The following PRTG variants were observed in gnomAD, a reference collection of about 807,000 sequenced individuals.
PRTG encodes immunoglobulin superfamily, DCC subclass, member 5.
A neutral mutation model predicts 122.5 loss-of-function variants in PRTG; 67 were observed. The observed-to-expected ratio is 0.55, with a 90% confidence interval of 0.45 to 0.67. PRTG has a LOEUF of 0.67. Ranked by LOEUF, PRTG falls within the 30% of genes least tolerant of loss-of-function variation. The pLI is 0.00. For missense variants in PRTG, 1,435 were observed against 1,415.4 expected (o/e 1.01, Z -0.22); for synonymous variants, 554 against 501.1 (o/e 1.11, Z -1.41).
intron 2 of PRTG, among the ~76,000 whole-genome samples, chr15:55,735,155 AT>A (rs1412975694): frequency 6.6e-6 from 1 of 152,114 alleles, no homozygotes; most frequent in Non-Finnish European, 1.5e-5. Flanking sequence ...ATTTGGGAGG[AT>A]TTTTATGATT....
intron 2 of PRTG, among the ~76,000 whole-genome samples, chr15:55,691,315 A>AAG (rs1555434025): frequency 3.5e-5 from 5 of 144,278 alleles, no homozygotes; most frequent in African/African-American, 1.3e-4. Context: ...AAAAAAAAAA[A>AAG]GTACAGGTTC....
At chr15:55,737,918 G>C (rs2031463182) in intron 2 of PRTG, among the ~76,000 whole-genome samples, 1 of 149,904 alleles carries the variant, frequency 6.7e-6, no homozygotes, top group Non-Finnish European at 1.5e-5. Flanking sequence ...ATACCTAAAA[G>C]AGAACTAGCT....
chr15:55,641,989 A>G (rs1657955), intron 11 of PRTG, among the ~76,000 whole-genome samples: 4,123 of 151,146 alleles, frequency 0.027, 184 homozygotes, highest in African/African-American at 0.096. Context: ...CCTGGCTAAC[A>G]AGGTGAAACC....
At chr15:55,725,219 G>C (rs1175484034) in intron 2 of PRTG, among the ~76,000 whole-genome samples, 1 of 152,128 alleles carries the variant, frequency 6.6e-6, no homozygotes, top group Admixed American at 6.5e-5. Context: ...ATTCAAACTA[G>C]ATTGTTACAA....
At position 55,619,844 on chromosome 15, in the gene PRTG, T is replaced by C. The variant is rs536142420; in HGVS notation, c.*168A>G. The C allele has an allele frequency of 5.3e-6, 6 of 1,122,594 alleles. No individual in the cohort carries two copies. The highest frequency in any genetic ancestry group is 4.9e-5 in the South Asian group (3 of 60,684). 69.5% of individuals were successfully genotyped at this position (1,122,594 alleles called of 1,614,324 possible). On this transcript the variant is annotated 3_prime_UTR_variant, in exon 20 of 20. Transcript: ENST00000389286. ...CTTCGAACAGATTTAATGGTGAGAA[T>C]ACCTGAGCATGGCCGTCTAGATTGG...
chr15:55,641,711 G>A (rs1266298917), intron 11 of PRTG, among the ~76,000 whole-genome samples: 2 of 152,136 alleles, frequency 1.3e-5, no homozygotes, highest in South Asian at 2.1e-4. Context: ...ATATAACCAT[G>A]TTTTGTTTAA....
At chr15:55,652,924 T>C (rs899755147) in intron 11 of PRTG, among the ~76,000 whole-genome samples, 5 of 152,120 alleles carry the variant, frequency 3.3e-5, no homozygotes, top group Admixed American at 2.6e-4. Flanking sequence ...TAAAATAATA[T>C]CTTACATGAA....
At chr15:55,674,529 T>C (rs1005420627) in intron 9 of PRTG, among the ~76,000 whole-genome samples, 5 of 152,292 alleles carry the variant, frequency 3.3e-5, no homozygotes, top group Non-Finnish European at 5.9e-5. Context: ...AGAGATGTCA[T>C]ATATACTGTA....
At chr15:55,712,690 A>G (rs1304160583) in intron 2 of PRTG, among the ~76,000 whole-genome samples, 4 of 152,232 alleles carry the variant, frequency 2.6e-5, no homozygotes, top group Admixed American at 2.0e-4. Context: ...ACATATGCCC[A>G]GGAAAATGTT....
intron 2 of PRTG, among the ~76,000 whole-genome samples, chr15:55,709,375 C>T (rs2030288474): frequency 6.8e-6 from 1 of 146,308 alleles, no homozygotes; most frequent in African/African-American, 2.5e-5. Flanking sequence ...ATAAAATATA[C>T]AATATATATA....
intron 2 of PRTG, among the ~76,000 whole-genome samples, chr15:55,685,740 T>C (rs181606296): frequency 6.6e-6 from 1 of 152,334 alleles, no homozygotes; most frequent in African/African-American, 2.4e-5. Context: ...TCTAATAGTG[T>C]CAATAGATGT....
intron 2 of PRTG, among the ~76,000 whole-genome samples, chr15:55,723,424 A>C (rs1469824759): frequency 1.3e-5 from 2 of 151,576 alleles, no homozygotes; most frequent in Admixed American, 1.3e-4. Flanking sequence ...AATAGATTCT[A>C]AGAGACATGT....
intron 11 of PRTG, among the ~76,000 whole-genome samples, chr15:55,671,279 C>A (rs2141792761): frequency 6.6e-6 from 1 of 152,266 alleles, no homozygotes; most frequent in African/African-American, 2.4e-5. Context: ...CTTCACAGGG[C>A]AGTCTGTGAA....
At chr15:55,740,047 A>T (rs978723477) in intron 2 of PRTG, among the ~76,000 whole-genome samples, 3 of 152,226 alleles carry the variant, frequency 2.0e-5, no homozygotes, top group Non-Finnish European at 4.4e-5. Context: ...TTTCCATAAG[A>T]TTAAATTTTA....
intron 2 of PRTG, among the ~76,000 whole-genome samples, chr15:55,707,996 C>T (rs1340339467): frequency 1.3e-5 from 2 of 151,942 alleles, no homozygotes; most frequent in Non-Finnish European, 2.9e-5. Flanking sequence ...TGGAAATACA[C>T]CAATGCTCAG....
chr15:55,717,649 A>G (rs2141863206), intron 2 of PRTG, among the ~76,000 whole-genome samples: 1 of 152,346 alleles, frequency 6.6e-6, no homozygotes, highest in South Asian at 2.1e-4. Context: ...GAAAAGCCAA[A>G]TGTCCTTCTA....
chr15:55,637,446 C>G, intron 14 of PRTG, 106 bp from the exon 15 acceptor site: 1 of 866,084 alleles, frequency 1.2e-6, no homozygotes, highest in Non-Finnish European at 1.7e-6. Flanking sequence ...TTAGAAACCT[C>G]CATAAGAAAT....
intron 2 of PRTG, among the ~76,000 whole-genome samples, chr15:55,690,365 T>A (rs1399775294): frequency 6.6e-6 from 1 of 152,200 alleles, no homozygotes; most frequent in Non-Finnish European, 1.5e-5. Flanking sequence ...TAACAGAGGT[T>A]TTATTCTCAG....
At position 55,743,021 on chromosome 15, in the gene PRTG, G is replaced by C; in HGVS notation, c.-90C>G. 7.4e-7 allele frequency: 1 copy of C among 1,342,662 alleles called. No individual in the cohort carries two copies. Among genetic ancestry groups the C allele is most frequent in the Non-Finnish European group, 9.5e-7 (1 of 1,050,758 alleles). 83.2% of individuals were successfully genotyped at this position (1,342,662 alleles called of 1,614,324 possible). A position where few individuals can be genotyped will look rare whatever the true frequency, so the allele number is the denominator to read the frequency against. On this transcript the variant is annotated 5_prime_UTR_variant, in exon 1 of 20. Coordinates refer to ENST00000389286, the MANE Select transcript of PRTG (RefSeq NM_173814.6). ...CCCGGGCGCTCTCTGCTCTGCGGCT[G>C]GTCGCACGCAGCCTGGCTCCCCGCT... is the stretch of plus-strand genomic sequence containing the variant.
Sources: allele counts gnomAD v4.1 joint callset (sites outside exome capture counted in the v4.1 genomes callset), GRCh38; gene constraint gnomAD v4.1.1; transcripts MANE v1.5; gene names NCBI Gene and HGNC (gene_info 2026-07-23, HGNC 2026-07-21).